RAI1: variants seen among roughly 807,000 people sequenced by gnomAD.
RAI1 encodes the protein retinoic acid induced 1.
Under a neutral mutation model 123.8 loss-of-function variants are expected in RAI1, and 9 were observed. That is an observed-to-expected ratio of 0.07 (90% CI 0.04 to 0.13). The LOEUF is 0.13. RAI1 is among the 10% of genes least tolerant of loss of function. The probability of loss-of-function intolerance (pLI) is 1.00; values close to 1 mark genes in which losing one functional copy is unlikely to be tolerated. For missense variants in RAI1, 2,256 were observed against 2,545.8 expected, an observed-to-expected ratio of 0.89 and a Z score of 2.45; for synonymous variants, 1,231 against 1,127.3, an observed-to-expected ratio of 1.09 and a Z score of -1.84.
At chr17:17,730,421 C>T (rs1343388157) in intron 2 of RAI1, among the ~76,000 whole-genome samples, 1 of 152,246 alleles carries the variant, frequency 6.6e-6, no homozygotes, top group Non-Finnish European at 1.5e-5. Flanking sequence ...CTGCCTGGCC[C>T]TCATGGGGCG....
At chr17:17,736,529 A>T (rs1024404857) in intron 2 of RAI1, among the ~76,000 whole-genome samples, 1 of 152,252 alleles carries the variant, frequency 6.6e-6, no homozygotes, top group African/African-American at 2.4e-5. Context: ...GTGTTTCTGC[A>T]GCATCTGGAC....
Position 17,794,131 on chromosome 17 carries a change from C to T in RAI1, c.1183C>T (p.Leu395=). 1.2e-6 allele frequency: 2 copies of T among 1,614,158 alleles called. No homozygotes were observed. The highest frequency in any genetic ancestry group is 1.1e-5 in the South Asian group (1 of 91,088). The part of the protein sequence containing the change: ...GITDHSHFMP[L]LNPSPTDATS... ...CACTGACCACAGCCACTTCATGCCCCTGCTCAATCCCTCCCCAACGGATGC... is the reference window on the plus strand; with the variant it reads ...CACTGACCACAGCCACTTCATGCCCTTGCTCAATCCCTCCCCAACGGATGC... The change falls in exon 3 of 6, where the codon CTG becomes TTG. Residue 395 remains leucine, a synonymous_variant. Coordinates refer to ENST00000353383, the MANE Select transcript of RAI1 (RefSeq NM_030665.4).
intron 2 of RAI1, among the ~76,000 whole-genome samples, chr17:17,738,683 G>T (rs1386929239): frequency 6.6e-6 from 1 of 152,228 alleles, no homozygotes; most frequent in Non-Finnish European, 1.5e-5. Context: ...AGCTGTGTGT[G>T]TCTGAGCTCA....
chr17:17,732,338 G>A (rs1306174036), intron 2 of RAI1, among the ~76,000 whole-genome samples: 1 of 152,196 alleles, frequency 6.6e-6, no homozygotes, highest in African/African-American at 2.4e-5. Context: ...CAGGCCTGAA[G>A]CAGGAACAGG....
intron 2 of RAI1, among the ~76,000 whole-genome samples, chr17:17,733,167 G>C (rs959077684): frequency 6.6e-6 from 1 of 152,098 alleles, no homozygotes; most frequent in African/African-American, 2.4e-5. Flanking sequence ...CTTAGACCTG[G>C]GTTCCTGCCC....
rs917818183 is a variant in RAI1, at chr17:17,801,028, G to C, written c.5565+2515G>C. Reference sequence around the variant, plus strand: ...GGCTTGGGGTGCAGCTGTGTCCCTGGCCCCAGCACTGCCACACCCCTCGGT... The same window carrying C: ...GGCTTGGGGTGCAGCTGTGTCCCTGCCCCCAGCACTGCCACACCCCTCGGT... On this transcript the variant is annotated intron_variant, in intron 3 of 5. Coordinates refer to ENST00000353383, the MANE Select transcript of RAI1 (RefSeq NM_030665.4). The surrounding 1 kb of genome is among the most constrained non-coding windows in gnomAD (Gnocchi z 4.1). Among the ~76,000 whole-genome samples, 1 of 152,154 alleles carries C rather than the reference G, an allele frequency of 6.6e-6. No homozygotes were observed. The highest frequency in any genetic ancestry group is 1.5e-5 in the Non-Finnish European group (1 of 68,004).
At chr17:17,782,910 C>T (rs2031650849) in intron 2 of RAI1, among the ~76,000 whole-genome samples, 1 of 151,826 alleles carries the variant, frequency 6.6e-6, no homozygotes, top group African/African-American at 2.4e-5. Context: ...GGAGGCCGTA[C>T]GCCCCGCCCT....
chr17:17,751,071 C>G (rs2030149435), intron 2 of RAI1, among the ~76,000 whole-genome samples: 1 of 152,230 alleles, frequency 6.6e-6, no homozygotes, highest in Non-Finnish European at 1.5e-5. Flanking sequence ...CTTTCTGGCT[C>G]TTTATGATTG....
rs1555566532 is a variant in RAI1, at chr17:17,800,180, G to GTCTCTCTCTGTCTCTCTCTGTC, written c.5565+1676_5565+1677insGTCTCTCTCTGTCTCTCTCTCT. On this transcript the variant is annotated intron_variant, in intron 3 of 5. Transcript: ENST00000353383. The surrounding 1 kb of genome is among the most constrained non-coding windows in gnomAD (Gnocchi z 4.7). ...TCTCTCCTGCTTTCTGTCTCTCTCT[G>GTCTCTCTCTGTCTCTCTCTGTC]TCTCTCTCTCTCTCTCTCTCTCTCT... Among the ~76,000 whole-genome samples, 24 of 116,398 alleles carry GTCTCTCTCTGTCTCTCTCTGTC rather than the reference G, an allele frequency of 2.1e-4. No homozygotes were observed. The highest frequency in any genetic ancestry group is 4.1e-4 in the Non-Finnish European group (21 of 51,144). 76.4% of individuals were successfully genotyped at this position (116,398 alleles called of 152,430 possible). A position where few individuals can be genotyped will look rare whatever the true frequency, so the allele number is the denominator to read the frequency against.
intron 1 of RAI1, among the ~76,000 whole-genome samples, chr17:17,700,897 C>T (rs545051323): frequency 1.2e-4 from 18 of 152,352 alleles, no homozygotes; most frequent in Admixed American, 6.5e-4. Context: ...CAGTGCCACC[C>T]TGCTCTGCAC....
rs2032438170 is a variant in RAI1 at position 17,800,854 on chromosome 17, G to C, written c.5565+2341G>C. 2.6e-5 allele frequency among the ~76,000 whole-genome samples: 4 copies of C among 152,238 alleles called. No homozygotes were observed. In the South Asian group the frequency reaches 8.3e-4, roughly 32 times the overall value. On this transcript the variant is annotated intron_variant, in intron 3 of 5. Transcript: ENST00000353383. This position sits in a 1 kb window ranked among gnomAD's most constrained non-coding sequence, Gnocchi z 4.7. ...GGGGGCGCCATGCTCCTTGGAGTGA[G>C]ACCCTGGTTCAAATCCCAGCTCTGC...
At chr17:17,691,106 C>T (rs1196343831) in intron 1 of RAI1, among the ~76,000 whole-genome samples, 1 of 152,216 alleles carries the variant, frequency 6.6e-6, no homozygotes, top group Non-Finnish European at 1.5e-5. Context: ...GGTATTCACT[C>T]ATTCAAGGGG....
intron 1 of RAI1, among the ~76,000 whole-genome samples, chr17:17,717,741 G>A (rs1450339926): frequency 6.6e-6 from 1 of 152,160 alleles, no homozygotes; most frequent in African/African-American, 2.4e-5. Flanking sequence ...TCACTCAGAC[G>A]CTGGCGCTGA....
chr17:17,795,237 C>A lies in RAI1; in HGVS notation c.2289C>A (p.Gly763=), dbSNP rs373122014. ...DACPRWGLHP[G]ELTKGLEQGG... Reference sequence around the variant, plus strand: ...GTCCCAGGTGGGGATTGCACCCTGGCGAGCTTACCAAGGGCCTGGAGCAGG... The same window carrying A: ...GTCCCAGGTGGGGATTGCACCCTGGAGAGCTTACCAAGGGCCTGGAGCAGG... The change falls in exon 3 of 6, where the codon GGC becomes GGA. Residue 763 remains glycine (G), a synonymous_variant. Transcript: ENST00000353383. This position sits in a 1 kb window ranked among gnomAD's most constrained non-coding sequence, Gnocchi z 5.9. 2 of 1,613,954 alleles carry A rather than the reference C, an allele frequency of 1.2e-6. No individual in the cohort carries two copies. Among genetic ancestry groups the A allele is most frequent in the Admixed American group, 1.7e-5 (1 of 60,018 alleles).
chr17:17,693,667 G>A (rs1422752656), intron 1 of RAI1, among the ~76,000 whole-genome samples: 1 of 152,244 alleles, frequency 6.6e-6, no homozygotes, highest in East Asian at 1.9e-4. Context: ...GAAGCCAGGC[G>A]GCAGGTAGCT....
In RAI1 at chr17:17,795,230, A is replaced by C. The variant is rs763693322; in HGVS notation, c.2282A>C (p.His761Pro). The C allele has an allele frequency of 8.7e-6, 14 of 1,613,798 alleles. No individual in the cohort carries two copies. In the South Asian group the frequency reaches 1.4e-4, roughly 16 times the overall value. ...GATGCTTGTCCCAGGTGGGGATTGC[A>C]CCCTGGCGAGCTTACCAAGGGCCTG... Reference protein sequence around the residue: ...LGDACPRWGLHPGELTKGLEQ... With the variant: ...LGDACPRWGLPPGELTKGLEQ... Residue 761 changes from histidine (H) to proline (P), a missense_variant, in exon 3 of 6, where the codon CAC becomes CCC. Physicochemically the swap from His to Pro is moderately conservative, Grantham distance 77. Transcript: ENST00000353383. The surrounding 1 kb of genome is among the most constrained non-coding windows in gnomAD (Gnocchi z 5.9).
chr17:17,806,804 C>G (rs1056793200), intron 4 of RAI1, among the ~76,000 whole-genome samples: 5 of 152,186 alleles, frequency 3.3e-5, no homozygotes, highest in Non-Finnish European at 7.3e-5. Flanking sequence ...GACTTTACCA[C>G]GTTCTGTTAG....
At chr17:17,725,106 C>T (rs1182532705) in intron 2 of RAI1, among the ~76,000 whole-genome samples, 1 of 131,232 alleles carries the variant, frequency 7.6e-6, no homozygotes. Context: ...AGACGTCGAC[C>T]TGGGATGGCG....
intron 1 of RAI1, among the ~76,000 whole-genome samples, chr17:17,704,622 A>G (rs1915334923): frequency 6.6e-6 from 1 of 152,100 alleles, no homozygotes; most frequent in Admixed American, 6.5e-5. Context: ...TTTAACTCTC[A>G]TCTGGAACGC....
Sources: allele counts gnomAD v4.1 joint callset (sites outside exome capture counted in the v4.1 genomes callset), GRCh38; gene constraint gnomAD v4.1.1; non-coding constraint Gnocchi (gnomAD v3.1); transcripts MANE v1.5; gene names NCBI Gene and HGNC (gene_info 2026-07-23, HGNC 2026-07-21).